NCAPD3: variants seen among roughly 807,000 people sequenced by gnomAD.
The protein encoded by NCAPD3 is condensin-2 complex subunit D3.
Under a neutral mutation model 182.9 loss-of-function variants are expected in NCAPD3, and 105 were observed. The observed-to-expected ratio is 0.57, with a 90% CI of 0.49 to 0.68. The LOEUF is 0.68. Ranked by LOEUF, NCAPD3 falls within the 30% of genes least tolerant of loss-of-function variation. The pLI is 0.00. For missense variants in NCAPD3, 1,944 were observed against 1,837.0 expected (o/e 1.06, Z -1.07); for synonymous variants, 815 against 679.9 (o/e 1.20, Z -3.09).
At chr11:134,199,303 T>G (rs1944699890) in intron 13 of NCAPD3, among the ~76,000 whole-genome samples, 1 of 152,152 alleles carries the variant, frequency 6.6e-6, no homozygotes, top group African/African-American at 2.4e-5. Context: ...GAGAAAAAGC[T>G]CTGTCTATCC....
chr11:134,166,854 CATG>C lies in NCAPD3; in HGVS notation c.3573+1139_3573+1141del, dbSNP rs1351541719. Among the ~76,000 whole-genome samples, 60 of 109,454 alleles carry C rather than the reference CATG, an allele frequency of 5.5e-4. 1 individual carries two copies. Among genetic ancestry groups the C allele is most frequent in the Non-Finnish European group, 8.8e-4 (48 of 54,324 alleles). 71.8% of individuals were successfully genotyped at this position (109,454 alleles called of 152,430 possible). ...GATGAGCTTGGGGGAGGCGCACACT[CATG>C]AGAGGAGCTTAGGGGAGGCGCACAC... On this transcript the variant is annotated intron_variant, in intron 27 of 34. Coordinates refer to ENST00000534548, the MANE Select transcript of NCAPD3 (RefSeq NM_015261.3).
At chr11:134,203,087 C>G (rs1215924756) in intron 12 of NCAPD3, 55 bp downstream of exon 12, 55 of 1,381,862 alleles carry the variant, frequency 4.0e-5, no homozygotes, top group Non-Finnish European at 5.4e-5. Context: ...TTTAAATATT[C>G]CACAAATTTT....
chr11:134,162,203 T>A (rs1048207133), intron 27 of NCAPD3, among the ~76,000 whole-genome samples: 1 of 152,220 alleles, frequency 6.6e-6, no homozygotes, highest in African/African-American at 2.4e-5. Context: ...CAGAAGACCC[T>A]GAGGGACCTT....
At chr11:134,169,988 C>T (rs1565529368) in intron 24 of NCAPD3, among the ~76,000 whole-genome samples, 1 of 152,208 alleles carries the variant, frequency 6.6e-6, no homozygotes, top group East Asian at 1.9e-4. Context: ...AAACAGCAGA[C>T]ACTGGCTCTG....
chr11:134,157,849 GA>G, intron 31 of NCAPD3, 78 bp downstream of exon 31: 3 of 1,422,480 alleles, frequency 2.1e-6, no homozygotes, highest in Non-Finnish European at 2.8e-6. Flanking sequence ...ACACCGCTTT[GA>G]AAGGAATAAG....
At chr11:134,216,890 G>C in intron 3 of NCAPD3, 46 bp downstream of exon 3, 7 of 1,532,156 alleles carry the variant, frequency 4.6e-6, no homozygotes, top group Non-Finnish European at 5.3e-6. Flanking sequence ...ACTGTAGAAA[G>C]AAAAAAATGA....
At chr11:134,222,430 G>A (rs1487116498) in intron 1 of NCAPD3, among the ~76,000 whole-genome samples, 1 of 152,198 alleles carries the variant, frequency 6.6e-6, no homozygotes, top group Non-Finnish European at 1.5e-5. Flanking sequence ...TGATAGAAGA[G>A]AGGCCACTGA....
chr11:134,220,858 C>A, intron 1 of NCAPD3, 132 bp from the exon 2 acceptor site: 1 of 807,966 alleles, frequency 1.2e-6, no homozygotes, highest in South Asian at 2.3e-5. Flanking sequence ...GTTTTAATAA[C>A]ATAGGTGTAG....
intron 2 of NCAPD3, among the ~76,000 whole-genome samples, chr11:134,219,751 G>A (rs1183326646): frequency 6.6e-6 from 1 of 152,060 alleles, no homozygotes; most frequent in Non-Finnish European, 1.5e-5. Context: ...GGAACTGTTT[G>A]GACAAACCTG....
At chr11:134,189,588 TATAATG>T (rs1267025004) in intron 16 of NCAPD3, among the ~76,000 whole-genome samples, 1 of 152,214 alleles carries the variant, frequency 6.6e-6, no homozygotes, top group Non-Finnish European at 1.5e-5. Flanking sequence ...CTACTTATTG[TATAATG>T]CTCAGAGAAC....
intron 16 of NCAPD3, among the ~76,000 whole-genome samples, chr11:134,191,251 G>A (rs1453124730): frequency 6.6e-6 from 1 of 152,092 alleles, no homozygotes; most frequent in Non-Finnish European, 1.5e-5. Flanking sequence ...CCAAAAATAA[G>A]ACAAAATTTT....
At chr11:134,192,161 T>A (rs1377664632) in intron 16 of NCAPD3, among the ~76,000 whole-genome samples, 1 of 152,216 alleles carries the variant, frequency 6.6e-6, no homozygotes, top group Non-Finnish European at 1.5e-5. Context: ...TGCAGAATGG[T>A]ATTTTTTGAT....
chr11:134,176,218 C>A lies in NCAPD3; in HGVS notation c.3101+89G>T. 3 of 1,246,078 alleles carry A rather than the reference C, an allele frequency of 2.4e-6. No homozygotes were observed. In the Admixed American group the frequency reaches 5.8e-5, roughly 24 times the overall value. 77.2% of individuals were successfully genotyped at this position (1,246,078 alleles called of 1,614,324 possible). A position where few individuals can be genotyped will look rare whatever the true frequency, so the allele number is the denominator to read the frequency against. On this transcript the variant is annotated intron_variant, in intron 24 of 34. Coordinates refer to ENST00000534548, the MANE Select transcript of NCAPD3 (RefSeq NM_015261.3). ...CGAAAGCTCACTAAATCCTACTTAACTCTAAACCAATCTGAAAAAAAAAGA... is the reference window on the plus strand; with the variant it reads ...CGAAAGCTCACTAAATCCTACTTAAATCTAAACCAATCTGAAAAAAAAAGA...
chr11:134,217,126 C>T (rs757791147), intron 2 of NCAPD3, 28 bp from the exon 3 acceptor site: 3 of 1,537,306 alleles, frequency 2.0e-6, no homozygotes, highest in South Asian at 2.5e-5. Context: ...ATCACAAAAG[C>T]CAGTCATTAG....
intron 13 of NCAPD3, among the ~76,000 whole-genome samples, chr11:134,199,349 A>T (rs1382818215): frequency 6.6e-6 from 1 of 152,176 alleles, no homozygotes; most frequent in Non-Finnish European, 1.5e-5. Flanking sequence ...CAGTATATAA[A>T]TTCTCCTTTA....
intron 13 of NCAPD3, among the ~76,000 whole-genome samples, chr11:134,197,861 T>C (rs532945478): frequency 3.3e-5 from 5 of 152,280 alleles, no homozygotes; most frequent in Non-Finnish European, 5.9e-5. Flanking sequence ...CTCAGCAAGC[T>C]TGAAATGGAA....
At chr11:134,159,673 C>A (rs1943522921) in intron 29 of NCAPD3, among the ~76,000 whole-genome samples, 1 of 152,232 alleles carries the variant, frequency 6.6e-6, no homozygotes, top group Admixed American at 6.5e-5. Flanking sequence ...TGCCAGCTCG[C>A]TTCCTGCACC....
At chr11:134,217,504 A>G (rs1342711417) in intron 2 of NCAPD3, among the ~76,000 whole-genome samples, 1 of 152,214 alleles carries the variant, frequency 6.6e-6, no homozygotes, top group Non-Finnish European at 1.5e-5. Context: ...AACTGAGGAA[A>G]TCAGAGCCCT....
chr11:134,165,666 G>T (rs1943758947), intron 27 of NCAPD3, among the ~76,000 whole-genome samples: 1 of 145,176 alleles, frequency 6.9e-6, no homozygotes, highest in South Asian at 2.2e-4. Flanking sequence ...ATGAGCTCAG[G>T]GGAGCAGCAT....
Sources: gnomAD v4.1 joint callset for allele counts (sites outside exome capture counted in the v4.1 genomes callset) on GRCh38, gnomAD v4.1.1 for gene constraint, MANE v1.5 for transcripts, NCBI Gene and HGNC (gene_info 2026-07-23, HGNC 2026-07-21) for gene names.